The following SEMA6D variants were observed in gnomAD, a reference collection of about 807,000 sequenced individuals.
The protein encoded by SEMA6D is semaphorin 6D.
In SEMA6D, 35 loss-of-function variants were observed where a neutral mutation model predicts 106.6. The ratio of observed to expected loss-of-function variants is 0.33; its 90% CI spans 0.25 to 0.44. The LOEUF (loss-of-function observed/expected upper bound fraction) is 0.44. SEMA6D is among the 20% of genes least tolerant of loss of function. The pLI is 1.00. For missense variants in SEMA6D, 1,185 were observed against 1,345.9 expected (o/e 0.88, Z 1.87); for synonymous variants, 499 against 487.7 (o/e 1.02, Z -0.31).
intron 2 of SEMA6D, among the ~76,000 whole-genome samples, chr15:47,462,395 A>G (rs2042541437): frequency 6.6e-6 from 1 of 152,100 alleles, no homozygotes; most frequent in Non-Finnish European, 1.5e-5. Context: ...GCAATTCTGG[A>G]AGGCAAATGC....
rs1420200311 is a variant in SEMA6D at position 47,282,711 on chromosome 15, G to A, written c.-239+98293G>A. Among the ~76,000 whole-genome samples, 4 of 152,270 alleles carry A rather than the reference G, an allele frequency of 2.6e-5. No individual in the cohort carries two copies. The East Asian group carries it at 7.7e-4, about 29-fold the overall frequency. On this transcript the variant is annotated intron_variant, in intron 1 of 19. Transcript: ENST00000558014. ...ATAGCACATTTGAGGGTCAGTTAGTGTGGGGCACTATACTGGAAGCTTTTC... is the reference window on the plus strand; with the variant it reads ...ATAGCACATTTGAGGGTCAGTTAGTATGGGGCACTATACTGGAAGCTTTTC...
intron 2 of SEMA6D, among the ~76,000 whole-genome samples, chr15:47,443,164 CA>C (rs1464623631): frequency 1.3e-5 from 2 of 151,970 alleles, no homozygotes; most frequent in Non-Finnish European, 2.9e-5. Context: ...TGGTAGTTTC[CA>C]AAAAAACTTT....
At chr15:47,423,029 A>G (rs4775684) in intron 2 of SEMA6D, among the ~76,000 whole-genome samples, 75,972 of 151,896 alleles carry the variant, frequency 0.5, 19,706 homozygotes, top group South Asian at 0.63. Context: ...AAGATATATA[A>G]CTGAAAGGCA....
rs986877458 is a variant in SEMA6D, at chr15:47,588,017, G to A, written c.-86-12848G>A. Among the ~76,000 whole-genome samples, 30 of 152,292 alleles carry A rather than the reference G, an allele frequency of 2.0e-4. No homozygotes were observed. The East Asian group carries it at 5.6e-3, about 28-fold the overall frequency. ...GCAGCTACTTCTACAGGAAAACACA[G>A]AGGAAAGATAACTGGATGCCTAACT... On this transcript the variant is annotated intron_variant, in intron 3 of 19. Coordinates refer to the SEMA6D transcript ENST00000558014.
intron 4 of SEMA6D, among the ~76,000 whole-genome samples, chr15:47,631,526 G>A (rs1298484733): frequency 1.3e-5 from 2 of 151,870 alleles, no homozygotes; most frequent in Non-Finnish European, 2.9e-5. Flanking sequence ...TTGAAATAGG[G>A]AGATTATCCT....
At chr15:47,692,123 A>G (rs1251411557) in intron 4 of SEMA6D, among the ~76,000 whole-genome samples, 2 of 152,174 alleles carry the variant, frequency 1.3e-5, no homozygotes, top group Admixed American at 1.3e-4. Flanking sequence ...CACAATGAAT[A>G]ATTTAAGAGC....
intron 2 of SEMA6D, among the ~76,000 whole-genome samples, chr15:47,466,890 CT>C (rs74867347): frequency 3.6e-3 from 476 of 132,164 alleles, no homozygotes; most frequent in Middle Eastern, 0.017. Context: ...CCACGCCTGG[CT>C]TTTTTTTTTT....
rs142208255 is a variant in SEMA6D at position 47,202,180 on chromosome 15, C to T, written c.-239+17762C>T. On this transcript the variant is annotated intron_variant, in intron 1 of 19. Coordinates refer to the SEMA6D transcript ENST00000558014. ...GGTCAGGAGAGGGCCTCCCTGACCC[C>T]ATCAGGAATGTTAGGCGACCATCAG... 9.6e-3 allele frequency among the ~76,000 whole-genome samples: 1,454 copies of T among 151,982 alleles called. 39 individuals are homozygous for T. The highest frequency in any genetic ancestry group is 0.057 in the Admixed American group (864 of 15,236).
chr15:47,552,818 A>ATT (rs1491362148), intron 3 of SEMA6D, among the ~76,000 whole-genome samples: 1 of 5,150 alleles, frequency 1.9e-4, no homozygotes, highest in Non-Finnish European at 2.7e-4. Context: ...ATATATATAA[A>ATT]TATATATATT....
chr15:47,438,889 C>T (rs935890863), intron 2 of SEMA6D, among the ~76,000 whole-genome samples: 1 of 152,024 alleles, frequency 6.6e-6, no homozygotes, highest in African/African-American at 2.4e-5. Flanking sequence ...TGTCGCACAA[C>T]AGATGCACAA....
At chr15:47,638,542 TA>T (rs1200516123) in intron 4 of SEMA6D, among the ~76,000 whole-genome samples, 8 of 152,192 alleles carry the variant, frequency 5.3e-5, no homozygotes, top group African/African-American at 1.7e-4. Context: ...TGTTTGACAA[TA>T]ATCAGATGAT....
chr15:47,536,417 G>T (rs1211192499), intron 3 of SEMA6D, among the ~76,000 whole-genome samples: 1 of 152,154 alleles, frequency 6.6e-6, no homozygotes, highest in Non-Finnish European at 1.5e-5. Context: ...ATTCTTATTG[G>T]GGACACAATG....
chr15:47,597,503 GAT>G (rs1031452702), intron 3 of SEMA6D, among the ~76,000 whole-genome samples: 2 of 151,946 alleles, frequency 1.3e-5, no homozygotes. Context: ...AAGAAAATGT[GAT>G]ATATATACAC....
At chr15:47,465,152 G>A (rs2042621658) in intron 2 of SEMA6D, among the ~76,000 whole-genome samples, 1 of 152,144 alleles carries the variant, frequency 6.6e-6, no homozygotes, top group Non-Finnish European at 1.5e-5. Flanking sequence ...CTTCTGTCTT[G>A]TACTCACAGT....
intron 1 of SEMA6D, among the ~76,000 whole-genome samples, chr15:47,245,363 G>A (rs1038798113): frequency 6.6e-6 from 1 of 152,112 alleles, no homozygotes; most frequent in Non-Finnish European, 1.5e-5. Context: ...TTTAATAGTA[G>A]CCATCCTGAT....
At chr15:47,387,003 C>T (rs1031458639) in intron 1 of SEMA6D, among the ~76,000 whole-genome samples, 1 of 151,102 alleles carries the variant, frequency 6.6e-6, no homozygotes, top group African/African-American at 2.5e-5. Context: ...TGAGGCAGCC[C>T]ATCCTTGTGC....
chr15:47,251,395 A>G (rs2033505414), intron 1 of SEMA6D, among the ~76,000 whole-genome samples: 1 of 152,150 alleles, frequency 6.6e-6, no homozygotes, highest in Admixed American at 6.5e-5. Context: ...CTTCTATATG[A>G]AAGCCCTTAA....
In SEMA6D at chr15:47,529,322, G is replaced by A. The variant is rs970459474; in HGVS notation, c.-87+58777G>A. ...GAAAGTTGAGAAAGTGGGAGGAGAG[G>A]CAGGTGAGGCAGGTACACTGGTATA... On this transcript the variant is annotated intron_variant, in intron 3 of 19. Coordinates refer to the SEMA6D transcript ENST00000558014. Among the ~76,000 whole-genome samples, 10 of 152,180 alleles carry A rather than the reference G, an allele frequency of 6.6e-5. No individual in the cohort carries two copies. In the South Asian group the frequency reaches 1.2e-3, roughly 19 times the overall value.
At chr15:47,603,715 C>G (rs1446734784) in intron 4 of SEMA6D, among the ~76,000 whole-genome samples, 4 of 151,794 alleles carry the variant, frequency 2.6e-5, no homozygotes, top group African/African-American at 9.7e-5. Flanking sequence ...CTTATTAAGT[C>G]CCCTCCCCCT....
Sources: allele counts gnomAD v4.1 joint callset (sites outside exome capture counted in the v4.1 genomes callset), GRCh38; gene constraint gnomAD v4.1.1; transcripts MANE v1.5; gene names NCBI Gene and HGNC (gene_info 2026-07-23, HGNC 2026-07-21).